UNKL: variants seen among roughly 807,000 people sequenced by gnomAD.
UNKL encodes the protein putative E3 ubiquitin-protein ligase UNKL.
A neutral mutation model predicts 78.0 loss-of-function variants in UNKL; 60 were observed. The ratio of observed to expected loss-of-function variants is 0.77; its 90% CI spans 0.63 to 0.95. UNKL has a LOEUF of 0.95. UNKL is among the 40% of genes least tolerant of loss of function. UNKL has a pLI of 0.00. For missense variants in UNKL, 1,159 were observed against 1,045.7 expected, an observed-to-expected ratio of 1.11 and a Z score of -1.49; for synonymous variants, 608 against 474.8, an observed-to-expected ratio of 1.28 and a Z score of -3.65.
chr16:1,379,821 G>T (rs1177797539), intron 10 of UNKL: 2 of 611,720 alleles, frequency 3.3e-6, no homozygotes, highest in Non-Finnish European at 2.0e-6. Flanking sequence ...GGTCCCCGCG[G>T]CTCCTGGCTA....
rs1452563046 is a variant in UNKL, at chr16:1,403,810, G to A, written c.288-466C>T. Among the ~76,000 whole-genome samples, 1 of 152,216 alleles carries A rather than the reference G, an allele frequency of 6.6e-6. No homozygotes were observed. Among genetic ancestry groups the A allele is most frequent in the Non-Finnish European group, 1.5e-5 (1 of 68,038 alleles). ...CTGCTTTCAGGGACCCCAGGAGGGA[G>A]GTAGGGGAGGGAACAAGCACAGGGC... is the stretch of plus-strand genomic sequence containing the variant. On this transcript the variant is annotated intron_variant, in intron 2 of 14. Transcript: ENST00000389221. This position sits in a 1 kb window ranked among gnomAD's most constrained non-coding sequence, Gnocchi z 4.8.
intron 10 of UNKL, among the ~76,000 whole-genome samples, chr16:1,380,369 G>C (rs1474454935): frequency 6.6e-6 from 1 of 152,168 alleles, no homozygotes; most frequent in East Asian, 1.9e-4. Context: ...AGCCAGGCGG[G>C]CCTACACCTG....
intron 10 of UNKL, chr16:1,378,954 C>T (rs999428588): frequency 6.6e-6 from 1 of 152,338 alleles, no homozygotes; most frequent in African/African-American, 2.4e-5. Flanking sequence ...CTGAAACATT[C>T]TCAAAGAAAG....
chr16:1,375,983 C>T (rs904103668), intron 10 of UNKL, among the ~76,000 whole-genome samples: 1 of 152,232 alleles, frequency 6.6e-6, no homozygotes, highest in Non-Finnish European at 1.5e-5. Context: ...ACACTGCAGG[C>T]AGTGGCAGAG....
intron 12 of UNKL, 110 bp downstream of exon 12, chr16:1,370,020 A>AC (rs2035666092): frequency 6.4e-7 from 1 of 1,551,096 alleles, no homozygotes; most frequent in South Asian, 1.2e-5. Context: ...GTTTGCCACC[A>AC]CAGATAGGGC....
At chr16:1,394,092 A>C in intron 7 of UNKL, 39 bp downstream of exon 7, 2 of 1,540,770 alleles carry the variant, frequency 1.3e-6, no homozygotes, top group Non-Finnish European at 1.8e-6. Flanking sequence ...GAGCCGCGGA[A>C]CCTGCTAAGG....
At chr16:1,409,679 C>G (rs2037947696) in intron 2 of UNKL, among the ~76,000 whole-genome samples, 2 of 152,118 alleles carry the variant, frequency 1.3e-5, no homozygotes, top group Admixed American at 1.3e-4. Context: ...AAGTGACCAC[C>G]TAGAGGCAGG....
chr16:1,390,977 C>A (rs1312805145), intron 8 of UNKL, among the ~76,000 whole-genome samples: 1 of 152,028 alleles, frequency 6.6e-6, no homozygotes, highest in Non-Finnish European at 1.5e-5. Context: ...TTGCAGTGAG[C>A]CGAGATGGCA....
chr16:1,396,394 C>T (rs1418939302), intron 6 of UNKL, among the ~76,000 whole-genome samples: 1 of 151,480 alleles, frequency 6.6e-6, no homozygotes, highest in Non-Finnish European at 1.5e-5. Flanking sequence ...TCAAGTGCTC[C>T]TCGCGTCTCA....
At chr16:1,408,394 G>GGGGCC (rs2037874785) in intron 2 of UNKL, 1 of 153,112 alleles carries the variant, frequency 6.5e-6, no homozygotes, top group Admixed American at 6.5e-5. Context: ...GGGGCGGGGC[G>GGGGCC]GGGCCGAGAT....
In UNKL at chr16:1,389,430, C is replaced by A. The variant is rs570638637; in HGVS notation, c.1086+1202G>T. ...ATTTCTAAAAAAATACAAAAATTAG[C>A]CAAGCCTGGTGGTGTATGCCTGGGG... is the stretch of plus-strand genomic sequence containing the variant. On this transcript the variant is annotated intron_variant, in intron 9 of 14. Coordinates refer to ENST00000389221, the MANE Select transcript of UNKL (RefSeq NM_001372107.1). 3.9e-5 allele frequency among the ~76,000 whole-genome samples: 6 copies of A among 152,214 alleles called. No individual in the cohort carries two copies. The South Asian group carries it at 1.2e-3, about 32-fold the overall frequency.
At position 1,378,360 on chromosome 16, in the gene UNKL, C is replaced by G. The variant is rs113111305; in HGVS notation, c.1265-6749G>C. On this transcript the variant is annotated intron_variant, in intron 10 of 14. Transcript: ENST00000389221. ...GGAACCTGGACCTGCCCTCTGCACC[C>G]AAGTCCCAGGATCAGGATATGGCAG... Among the ~76,000 whole-genome samples the G allele has an allele frequency of 1.7e-3, 258 of 152,362 alleles. 3 individuals carry two copies. Among genetic ancestry groups the G allele is most frequent in the African/African-American group, 5.4e-3 (223 of 41,588 alleles).
In UNKL at chr16:1,399,250, C is replaced by G. The variant is rs1208079443; in HGVS notation, c.734+124G>C. ...ACTGTGCTTGGAGATGCCCTCCCCTCCCGGGGATGATGGTGCCACAAGGGC... is the reference window on the plus strand; with the variant it reads ...ACTGTGCTTGGAGATGCCCTCCCCTGCCGGGGATGATGGTGCCACAAGGGC... On this transcript the variant is annotated intron_variant, in intron 5 of 14. Transcript: ENST00000389221. This position sits in a 1 kb window ranked among gnomAD's most constrained non-coding sequence, Gnocchi z 5.8. 1 of 1,390,662 alleles carries G rather than the reference C, an allele frequency of 7.2e-7. No individual in the cohort carries two copies. Among genetic ancestry groups the G allele is most frequent in the Non-Finnish European group, 9.4e-7 (1 of 1,061,150 alleles). 86.1% of individuals were successfully genotyped at this position (1,390,662 alleles called of 1,614,324 possible). A position where few individuals can be genotyped will look rare whatever the true frequency, so the allele number is the denominator to read the frequency against.
intron 10 of UNKL, among the ~76,000 whole-genome samples, chr16:1,374,639 C>G (rs886172709): frequency 2.0e-5 from 3 of 152,084 alleles, no homozygotes; most frequent in Non-Finnish European, 4.4e-5. Flanking sequence ...CATCGAGTCC[C>G]GCCCTCGCAG....
chr16:1,413,592 G>C (rs1490224520), intron 2 of UNKL, among the ~76,000 whole-genome samples: 1 of 152,206 alleles, frequency 6.6e-6, no homozygotes, highest in Non-Finnish European at 1.5e-5. Context: ...AAAAAAGTGG[G>C]AGGTGAAGCA....
chr16:1,413,485 T>C (rs1351553111), intron 2 of UNKL, among the ~76,000 whole-genome samples: 1 of 151,934 alleles, frequency 6.6e-6, no homozygotes, highest in East Asian at 1.9e-4. Context: ...GGAGAATCAC[T>C]TGAACCTGGG....
intron 1 of UNKL, 90 bp from the exon 2 acceptor site, chr16:1,414,145 C>A: frequency 7.5e-7 from 1 of 1,333,594 alleles, no homozygotes; most frequent in Non-Finnish European, 1.0e-6. Context: ...GCCTCAGGAG[C>A]CTCAACCCAG....
chr16:1,379,699 G>A (rs1394898412), intron 10 of UNKL: 7 of 878,044 alleles, frequency 8.0e-6, no homozygotes, highest in South Asian at 1.1e-4. Flanking sequence ...CCCGCGCCCC[G>A]CCCCCTCCGC....
rs1309514475 is a variant in UNKL at position 1,385,361 on chromosome 16, C to T, written c.1111G>A (p.Val371Ile). The stretch of plus-strand genomic sequence containing the variant: ...CTCACGCTGGGGGCCGGCGGGTGGA[C>T]CGCTGCAAACACGGCCAGGTGGTTC... ...KQNHLAVFAA[V>I]HPPAPSVSSS... The change falls in exon 10 of 15, where the codon GTC (valine) becomes ATC (isoleucine). Residue 371 changes from valine to isoleucine, a missense_variant. Transcript: ENST00000389221. The T allele has an allele frequency of 2.1e-6, 3 of 1,410,552 alleles. No individual in the cohort carries two copies. Among genetic ancestry groups the T allele is most frequent in the Non-Finnish European group, 2.8e-6 (3 of 1,085,456 alleles). 87.4% of individuals were successfully genotyped at this position (1,410,552 alleles called of 1,614,324 possible).
Sources: gnomAD v4.1 joint callset for allele counts (sites outside exome capture counted in the v4.1 genomes callset) on GRCh38, gnomAD v4.1.1 for gene constraint, Gnocchi (gnomAD v3.1) non-coding constraint, MANE v1.5 for transcripts, NCBI Gene and HGNC (gene_info 2026-07-23, HGNC 2026-07-21) for gene names.